The following ADGRB3 variants were observed in gnomAD, a reference collection of about 807,000 sequenced individuals.
The protein encoded by ADGRB3 is brain-specific angiogenesis inhibitor 3.
In ADGRB3, 37 loss-of-function variants were observed where a neutral mutation model predicts 193.4. The ratio of observed to expected loss-of-function variants is 0.19; its 90% confidence interval spans 0.15 to 0.25. The LOEUF (loss-of-function observed/expected upper bound fraction) is 0.25. Among genes scored for constraint, ADGRB3 ranks in the 10% least tolerant of loss-of-function variants. The pLI, the probability that ADGRB3 is intolerant of heterozygous loss-of-function variation, is 1.00. For synonymous variants in ADGRB3, 690 were observed against 644.2 expected (o/e 1.07, Z -1.08); for missense variants, 1,637 against 1,852.9 (o/e 0.88, Z 2.14).
At chr6:68,851,330 T>C (rs902119937) in intron 3 of ADGRB3, among the ~76,000 whole-genome samples, 5 of 151,922 alleles carry the variant, frequency 3.3e-5, no homozygotes, top group Non-Finnish European at 4.4e-5. Context: ...TTTCCTTTTC[T>C]GGACACTGTT....
At chr6:69,355,692 C>T in intron 27 of ADGRB3, 129 bp from the exon 28 acceptor site, 1 of 740,642 alleles carries the variant, frequency 1.4e-6, no homozygotes, top group South Asian at 1.7e-5. Flanking sequence ...AGAGAAATTT[C>T]CTATGAACAA....
intron 17 of ADGRB3, among the ~76,000 whole-genome samples, chr6:69,207,709 T>G (rs1408961747): frequency 6.6e-6 from 1 of 152,238 alleles, no homozygotes; most frequent in Non-Finnish European, 1.5e-5. Context: ...CTTTTCTATC[T>G]ATCCAGCTGC....
In ADGRB3 at chr6:68,636,014, T is replaced by G. The variant is rs1582087910; in HGVS notation, c.-188+14T>G. ...TCGGAGTGGAAGGTAAGGAAGGGGG[T>G]CCAGGGGTCACCTTTTCTCTGCCGG... is the stretch of plus-strand genomic sequence containing the variant. On this transcript the variant is annotated intron_variant, in intron 1 of 31. Transcript: ENST00000370598. 1 of 151,736 alleles carries G rather than the reference T, an allele frequency of 6.6e-6. No individual in the cohort carries two copies. Among genetic ancestry groups the G allele is most frequent in the Non-Finnish European group, 1.5e-5 (1 of 68,110 alleles). 9.4% of individuals were successfully genotyped at this position (151,736 alleles called of 1,614,324 possible).
At chr6:69,122,939 T>A (rs9360375) in intron 17 of ADGRB3, among the ~76,000 whole-genome samples, 45,221 of 151,438 alleles carry the variant, frequency 0.3, 9,128 homozygotes, top group East Asian at 0.94. Flanking sequence ...AATACTTATC[T>A]ATCTATATAG....
At chr6:68,815,636 T>TGG (rs1470749932) in intron 3 of ADGRB3, among the ~76,000 whole-genome samples, 17 of 147,164 alleles carry the variant, frequency 1.2e-4, no homozygotes, top group African/African-American at 3.0e-4. Context: ...TGTGTGTGTG[T>TGG]GTGTGCATGT....
chr6:69,031,296 C>T (rs990798749), intron 13 of ADGRB3, among the ~76,000 whole-genome samples: 8 of 151,304 alleles, frequency 5.3e-5, no homozygotes, highest in East Asian at 3.9e-4. Context: ...AAAATTTAAC[C>T]GGGCGCAGTG....
At chr6:69,215,084 G>C (rs1385408982) in intron 17 of ADGRB3, among the ~76,000 whole-genome samples, 1 of 152,072 alleles carries the variant, frequency 6.6e-6, no homozygotes, top group Non-Finnish European at 1.5e-5. Flanking sequence ...AGTCATGAAA[G>C]ACAAAGACTG....
At chr6:68,760,396 C>T (rs1441772227) in intron 3 of ADGRB3, among the ~76,000 whole-genome samples, 4 of 152,142 alleles carry the variant, frequency 2.6e-5, no homozygotes, top group Non-Finnish European at 5.9e-5. Context: ...TCATTAAAAA[C>T]TAATTAGAAA....
chr6:69,011,201 G>A (rs996250764), intron 11 of ADGRB3, among the ~76,000 whole-genome samples: 3 of 151,050 alleles, frequency 2.0e-5, no homozygotes, highest in African/African-American at 7.3e-5. Context: ...AGACAAGTTA[G>A]AGCAAGGCCA....
Position 69,018,372 on chromosome 6 carries a change from C to A in ADGRB3, c.1999-19C>A. 3 of 1,507,320 alleles carry A rather than the reference C, an allele frequency of 2.0e-6. No individual in the cohort carries two copies. Among genetic ancestry groups the A allele is most frequent in the Non-Finnish European group, 2.7e-6 (3 of 1,094,192 alleles). 93.4% of individuals were successfully genotyped at this position (1,507,320 alleles called of 1,614,324 possible). ...TGTATAGATTTTTTATTCCTTCTAACCTTTGCTTATTTTTCTAGATTTATC... is the reference window on the plus strand; with the variant it reads ...TGTATAGATTTTTTATTCCTTCTAAACTTTGCTTATTTTTCTAGATTTATC... On this transcript the variant is annotated intron_variant, in intron 12 of 31. Transcript: ENST00000370598.
At position 69,011,167 on chromosome 6, in the gene ADGRB3, G is replaced by GTGTGTGTA. The variant is rs531482642; in HGVS notation, c.1930-2870_1930-2869insGTGTGTAT. 5.7e-3 allele frequency among the ~76,000 whole-genome samples: 817 copies of GTGTGTGTA among 143,134 alleles called. 3 individuals carry two copies. Among genetic ancestry groups the GTGTGTGTA allele is most frequent in the African/African-American group, 0.014 (530 of 38,932 alleles). The allele number at this position is 143,134 out of a possible 152,430, so 93.9% of individuals were successfully genotyped here. A position where few individuals can be genotyped will look rare whatever the true frequency, so the allele number is the denominator to read the frequency against. On this transcript the variant is annotated intron_variant, in intron 11 of 31. Coordinates refer to ENST00000370598, the MANE Select transcript of ADGRB3 (RefSeq NM_001704.3). ...TGTGTGTGTGTGTGTGTGTGTGTGT[G>GTGTGTGTA]TATATATATATTCTATATGTGTGAG... is the stretch of plus-strand genomic sequence containing the variant.
At chr6:68,669,628 GTGTGTGTGTGTGTGTGTGTGTGTA>G (rs1768894665) in intron 3 of ADGRB3, among the ~76,000 whole-genome samples, 1 of 150,440 alleles carries the variant, frequency 6.6e-6, no homozygotes, top group Non-Finnish European at 1.5e-5. Flanking sequence ...GTGTGTGTGT[GTGTGTGTGTGTGTGTGTGTGTGTA>G]TACCAAATTT....
In ADGRB3 at chr6:69,120,710, CT is replaced by C. The variant is rs746711427; in HGVS notation, c.2480+44673del. Among the ~76,000 whole-genome samples the C allele has an allele frequency of 3.9e-5, 6 of 152,020 alleles. No homozygotes were observed. In the South Asian group the frequency reaches 1.0e-3, roughly 26 times the overall value. ...ATGGGGATGGTGCAACACAGTTTAC[CT>C]CTTTTTTTTGCTAAAATTATCTTGC... On this transcript the variant is annotated intron_variant, in intron 17 of 31. Transcript: ENST00000370598.
In ADGRB3 at chr6:68,967,143, T is replaced by C. The variant is rs555942780; in HGVS notation, c.1526-7620T>C. Among the ~76,000 whole-genome samples, 584 of 152,238 alleles carry C rather than the reference T, an allele frequency of 3.8e-3. 9 individuals carry two copies. Among genetic ancestry groups the C allele is most frequent in the African/African-American group, 0.013 (560 of 41,554 alleles). On this transcript the variant is annotated intron_variant, in intron 8 of 31. Coordinates refer to ENST00000370598, the MANE Select transcript of ADGRB3 (RefSeq NM_001704.3). Reference sequence around the variant, plus strand: ...TCTTCCTTTTTAAAAATAATAATAATTTGTGTAGTGGATTTCTGTCTCCAA... The same window carrying C: ...TCTTCCTTTTTAAAAATAATAATAACTTGTGTAGTGGATTTCTGTCTCCAA...
chr6:69,143,999 C>T (rs1774413539), intron 17 of ADGRB3, among the ~76,000 whole-genome samples: 1 of 152,110 alleles, frequency 6.6e-6, no homozygotes, highest in Non-Finnish European at 1.5e-5. Flanking sequence ...AATATTGATT[C>T]TTCCAATCCA....
chr6:68,794,910 CTGCA>C (rs771701373), intron 3 of ADGRB3, among the ~76,000 whole-genome samples: 5 of 152,038 alleles, frequency 3.3e-5, no homozygotes, highest in Non-Finnish European at 7.4e-5. Flanking sequence ...CTATTTCCTC[CTGCA>C]ATCTGCATAG....
chr6:68,640,846 A>G (rs1372179997), intron 3 of ADGRB3, among the ~76,000 whole-genome samples: 6 of 152,226 alleles, frequency 3.9e-5, no homozygotes, highest in Admixed American at 3.9e-4. Context: ...CTGTTAGAAA[A>G]TGAATGCAGA....
intron 3 of ADGRB3, among the ~76,000 whole-genome samples, chr6:68,692,864 A>G (rs1006145315): frequency 3.3e-5 from 5 of 151,416 alleles, no homozygotes; most frequent in African/African-American, 1.2e-4. Flanking sequence ...TAAGATACAT[A>G]GCTAGATAGA....
intron 3 of ADGRB3, among the ~76,000 whole-genome samples, chr6:68,891,487 C>CT (rs1295370418): frequency 1.3e-5 from 2 of 152,020 alleles, no homozygotes; most frequent in Non-Finnish European, 2.9e-5. Context: ...CAAGAATTAA[C>CT]TAGGTAAATT....
Sources: allele counts gnomAD v4.1 joint callset (sites outside exome capture counted in the v4.1 genomes callset), GRCh38; gene constraint gnomAD v4.1.1; transcripts MANE v1.5; gene names NCBI Gene and HGNC (gene_info 2026-07-23, HGNC 2026-07-21).